ANKH: variants seen among roughly 807,000 people sequenced by gnomAD.
ANKH encodes ANKH inorganic pyrophosphate transport regulator, also known as mineralization regulator ANKH.
A neutral mutation model predicts 49.0 loss-of-function variants in ANKH; 15 were observed. That is an observed-to-expected ratio of 0.31 (90% CI 0.20 to 0.47). The LOEUF (loss-of-function observed/expected upper bound fraction) is 0.47, where lower values mean the gene tolerates loss of function less well. ANKH is among the 20% of genes least tolerant of loss of function. The pLI is 1.00. For synonymous variants in ANKH, 273 were observed against 260.0 expected (o/e 1.05, Z -0.48); for missense variants, 429 against 652.0 (o/e 0.66, Z 3.72).
chr5:14,774,668 C>A (rs1001190314), intron 1 of ANKH, among the ~76,000 whole-genome samples: 11 of 152,114 alleles, frequency 7.2e-5, no homozygotes, highest in Non-Finnish European at 4.4e-5. Flanking sequence ...TGTTTGCTCA[C>A]CCTGTTTTTC....
intron 6 of ANKH, among the ~76,000 whole-genome samples, chr5:14,746,239 G>A (rs189886767): frequency 7.4e-4 from 113 of 152,150 alleles, no homozygotes; most frequent in African/African-American, 2.6e-3. Flanking sequence ...CACATTTTAC[G>A]CAGATCCAAT....
intron 9 of ANKH, among the ~76,000 whole-genome samples, chr5:14,715,196 A>G (rs1256647222): frequency 2.0e-5 from 3 of 152,202 alleles, no homozygotes; most frequent in East Asian, 1.9e-4. Context: ...CAGTGGTGCA[A>G]TCTCGACTCA....
chr5:14,846,360 T>C (rs775576854), intron 1 of ANKH, among the ~76,000 whole-genome samples: 3 of 152,162 alleles, frequency 2.0e-5, no homozygotes, highest in Non-Finnish European at 4.4e-5. Context: ...TATTCCTCAT[T>C]ATAGAGCAGT....
Position 14,733,002 on chromosome 5 carries a change from G to GAGGGAACTTGTA in ANKH, c.1011+8813_1011+8824dup, listed in dbSNP as rs549320167. On this transcript the variant is annotated intron_variant, in intron 8 of 11. Transcript: ENST00000284268. ...GCTGAACCCATCTCCAGTTTCAAAG[G>GAGGGAACTTGTA]AGGGAACTTGTAAGAGATCAGTGGT... 9.2e-4 allele frequency among the ~76,000 whole-genome samples: 140 copies of GAGGGAACTTGTA among 152,316 alleles called. 1 individual carries two copies. The highest frequency in any genetic ancestry group is 3.2e-3 in the African/African-American group (134 of 41,570).
In ANKH at chr5:14,758,540, C is replaced by T. The variant is rs1301649329; in HGVS notation, c.372G>A (p.Val124=). The T allele has an allele frequency of 1.2e-6, 2 of 1,614,202 alleles. No individual in the cohort carries two copies. Among genetic ancestry groups the T allele is most frequent in the South Asian group, 2.2e-5 (2 of 91,090 alleles). ...INKLHHVDES[V]GSKTRRAFLY... ...GGAAGGCCCTTCTCGTCTTGCTCCCCACCGACTCGTCCACATGGTGCAGTT... is the reference window on the plus strand; with the variant it reads ...GGAAGGCCCTTCTCGTCTTGCTCCCTACCGACTCGTCCACATGGTGCAGTT... The change falls in exon 3 of 12, where the codon GTG becomes GTA. Residue 124 remains valine, a synonymous_variant. Transcript: ENST00000284268.
chr5:14,854,732 C>T (rs1742208759), intron 1 of ANKH, among the ~76,000 whole-genome samples: 1 of 152,032 alleles, frequency 6.6e-6, no homozygotes, highest in African/African-American at 2.4e-5. Context: ...ATCACCTGCC[C>T]CAGCCTCTCC....
Position 14,737,749 on chromosome 5 carries a change from A to G in ANKH, c.1011+4078T>C, listed in dbSNP as rs1426192340. Among the ~76,000 whole-genome samples the G allele has an allele frequency of 6.6e-6, 1 of 152,192 alleles. No homozygotes were observed. Among genetic ancestry groups the G allele is most frequent in the South Asian group, 2.1e-4 (1 of 4,830 alleles). On this transcript the variant is annotated intron_variant, in intron 8 of 11. Coordinates refer to ENST00000284268, the MANE Select transcript of ANKH (RefSeq NM_054027.6). The surrounding 1 kb of genome is among the most constrained non-coding windows in gnomAD (Gnocchi z 5.0). ...TTGAAATGTGCTTCCCTTCACCCCA[A>G]ACAGCTGCTTGTCAGTCAGCAGGCG...
intron 8 of ANKH, among the ~76,000 whole-genome samples, chr5:14,733,889 A>G (rs2126452583): frequency 6.6e-6 from 1 of 152,316 alleles, no homozygotes; most frequent in Middle Eastern, 3.4e-3. Flanking sequence ...GAGTGTCTGG[A>G]CTAAGCGCCC....
At chr5:14,821,636 C>T (rs1027724018) in intron 1 of ANKH, among the ~76,000 whole-genome samples, 2 of 152,218 alleles carry the variant, frequency 1.3e-5, no homozygotes, top group Non-Finnish European at 2.9e-5. Flanking sequence ...AGCACAACTT[C>T]CACATTTTCA....
At position 14,730,787 on chromosome 5, in the gene ANKH, G is replaced by A. The variant is rs1737973692; in HGVS notation, c.1011+11040C>T. ...CTTCTAGGAGGCGTTTCCTTTCCCT[G>A]TGCCTCCACCTCTATCTTGCCAGCT... On this transcript the variant is annotated intron_variant, in intron 8 of 11. Transcript: ENST00000284268. 5.3e-5 allele frequency among the ~76,000 whole-genome samples: 8 copies of A among 152,354 alleles called. 1 individual carries two copies. In the South Asian group the frequency reaches 1.4e-3, roughly 28 times the overall value.
chr5:14,865,189 G>C (rs1735609104), intron 1 of ANKH, among the ~76,000 whole-genome samples: 1 of 152,150 alleles, frequency 6.6e-6, no homozygotes, highest in Non-Finnish European at 1.5e-5. Flanking sequence ...GAACCCGGGA[G>C]GCGGAGGTTG....
chr5:14,861,152 G>A (rs1267543023), intron 1 of ANKH, among the ~76,000 whole-genome samples: 1 of 152,132 alleles, frequency 6.6e-6, no homozygotes, highest in Non-Finnish European at 1.5e-5. Flanking sequence ...TGAATGAAAG[G>A]CAGTAACCTG....
chr5:14,867,368 T>C (rs954642792), intron 1 of ANKH, among the ~76,000 whole-genome samples: 1 of 152,136 alleles, frequency 6.6e-6, no homozygotes, highest in South Asian at 2.1e-4. Context: ...ATATATATCA[T>C]ATGCTGAGAT....
intron 4 of ANKH, among the ~76,000 whole-genome samples, chr5:14,753,880 T>G (rs984045645): frequency 6.6e-6 from 1 of 152,240 alleles, no homozygotes; most frequent in African/African-American, 2.4e-5. Flanking sequence ...CATTTTATCA[T>G]TGGTGATTGG....
intron 1 of ANKH, among the ~76,000 whole-genome samples, chr5:14,789,713 TTCTC>T (rs148388912): frequency 1.2e-3 from 177 of 150,458 alleles, no homozygotes; most frequent in African/African-American, 4.1e-3. Flanking sequence ...GCAGTACACA[TTCTC>T]TCTCTCTCTC....
intron 2 of ANKH, among the ~76,000 whole-genome samples, chr5:14,765,490 T>G (rs1353356754): frequency 6.6e-6 from 1 of 152,044 alleles, no homozygotes; most frequent in African/African-American, 2.4e-5. Context: ...CACCAAGCAT[T>G]CCCAGGGAAG....
intron 1 of ANKH, among the ~76,000 whole-genome samples, chr5:14,867,413 GA>G (rs1481623296): frequency 6.6e-6 from 1 of 152,068 alleles, no homozygotes; most frequent in Non-Finnish European, 1.5e-5. Flanking sequence ...CAATGTACGT[GA>G]TTAATACTTT....
chr5:14,835,482 G>A (rs1233767008), intron 1 of ANKH, among the ~76,000 whole-genome samples: 1 of 152,138 alleles, frequency 6.6e-6, no homozygotes, highest in African/African-American at 2.4e-5. Flanking sequence ...GTTCAGTGGT[G>A]AAAAGCCACA....
intron 7 of ANKH, among the ~76,000 whole-genome samples, chr5:14,743,401 A>G (rs1437561093): frequency 1.3e-5 from 2 of 152,258 alleles, no homozygotes; most frequent in Non-Finnish European, 2.9e-5. Context: ...AAAATGGCAC[A>G]TATTCACATG....
Sources: gnomAD v4.1 joint callset for allele counts (sites outside exome capture counted in the v4.1 genomes callset) on GRCh38, gnomAD v4.1.1 for gene constraint, Gnocchi (gnomAD v3.1) non-coding constraint, MANE v1.5 for transcripts, NCBI Gene and HGNC (gene_info 2026-07-23, HGNC 2026-07-21) for gene names.